MRTFB: variants seen among roughly 807,000 people sequenced by gnomAD.
MRTFB encodes the protein myocardin related transcription factor B.
MRTFB carries 29 observed loss-of-function variants against 104.2 expected under a neutral mutation model. That is an observed-to-expected ratio of 0.28 (90% CI 0.21 to 0.38). The LOEUF (loss-of-function observed/expected upper bound fraction) is 0.38, where lower values mean the gene tolerates loss of function less well. Among genes scored for constraint, MRTFB ranks in the 10% least tolerant of loss-of-function variants. MRTFB has a pLI of 1.00. For synonymous variants in MRTFB, 535 were observed against 519.5 expected (o/e 1.03, Z -0.41); for missense variants, 1,270 against 1,341.6 (o/e 0.95, Z 0.83).
intron 2 of MRTFB, among the ~76,000 whole-genome samples, chr16:14,110,184 G>GA (rs1002209256): frequency 1.3e-5 from 2 of 152,242 alleles, no homozygotes; most frequent in African/African-American, 4.8e-5. Context: ...TTATCTTCAG[G>GA]AAAGTCCTGG....
chr16:14,114,228 A>T (rs2036420519), intron 2 of MRTFB, among the ~76,000 whole-genome samples: 1 of 152,246 alleles, frequency 6.6e-6, no homozygotes, highest in Non-Finnish European at 1.5e-5. Context: ...GCCCTGCCAG[A>T]CCATAGTGCT....
the MRTFB span, among the ~76,000 whole-genome samples, chr16:13,997,878 A>C: frequency 6.6e-6 from 1 of 152,102 alleles, no homozygotes; most frequent in Non-Finnish European, 1.5e-5. Context: ...AGAACCAGGA[A>C]CCAGGTGAGT....
At chr16:14,062,714 C>A in the MRTFB span, among the ~76,000 whole-genome samples, 2 of 152,110 alleles carry the variant, frequency 1.3e-5, no homozygotes, top group Non-Finnish European at 2.9e-5. Flanking sequence ...ACTGGGAGGG[C>A]CAGAGAAAAG....
chr16:14,244,264 A>G (rs1427248825), intron 10 of MRTFB, among the ~76,000 whole-genome samples: 2 of 152,144 alleles, frequency 1.3e-5, no homozygotes, highest in Non-Finnish European at 2.9e-5. Context: ...GTGACTGACT[A>G]TAACATAATT....
chr16:14,169,345 G>A (rs1213181826), intron 3 of MRTFB, among the ~76,000 whole-genome samples: 1 of 152,088 alleles, frequency 6.6e-6, no homozygotes, highest in African/African-American at 2.4e-5. Context: ...TGCTTTTCCT[G>A]CCTGTTTGTA....
At chr16:14,100,100 C>A (rs988348478) in intron 2 of MRTFB, among the ~76,000 whole-genome samples, 4 of 152,114 alleles carry the variant, frequency 2.6e-5, no homozygotes, top group African/African-American at 9.7e-5. Flanking sequence ...ATTTTTCTTG[C>A]CTTATTGAAC....
chr16:14,157,291 G>T (rs1208294840), intron 3 of MRTFB, among the ~76,000 whole-genome samples: 1 of 152,168 alleles, frequency 6.6e-6, no homozygotes, highest in East Asian at 1.9e-4. Flanking sequence ...GAGCTTTAAA[G>T]AAGAATTTAG....
intron 2 of MRTFB, among the ~76,000 whole-genome samples, chr16:14,133,278 T>A (rs1048621929): frequency 6.6e-6 from 1 of 152,164 alleles, no homozygotes; most frequent in Non-Finnish European, 1.5e-5. Flanking sequence ...AAGAAAAATG[T>A]TTTCAGATTT....
the MRTFB span, among the ~76,000 whole-genome samples, chr16:14,005,225 T>C: frequency 1.8e-4 from 28 of 152,228 alleles, no homozygotes; most frequent in Non-Finnish European, 4.1e-4. Flanking sequence ...TTTAAAGTAA[T>C]GAAGGGAGCT....
intron 2 of MRTFB, among the ~76,000 whole-genome samples, chr16:14,086,029 A>G (rs1218446228): frequency 4.6e-5 from 7 of 152,322 alleles, no homozygotes; most frequent in South Asian, 2.1e-4. Context: ...AGTTTTTCAT[A>G]GTTATGTTAT....
chr16:14,011,410 C>T, the MRTFB span, among the ~76,000 whole-genome samples: 20 of 152,284 alleles, frequency 1.3e-4, no homozygotes, highest in East Asian at 3.9e-3. Flanking sequence ...AAGGAAAGCA[C>T]TCTGAGAAAA....
At position 14,237,645 on chromosome 16, in the gene MRTFB, G is replaced by A. The variant is rs145940203; in HGVS notation, c.832-2592G>A. On this transcript the variant is annotated intron_variant, in intron 9 of 16. Coordinates refer to ENST00000571589, the MANE Select transcript of MRTFB (RefSeq NM_001308142.2). ...GTGGGAGTGATCCAGGAGAAGAGTGGGGAACCACAGCCAGGTGTGGGCAAG... is the reference window on the plus strand; with the variant it reads ...GTGGGAGTGATCCAGGAGAAGAGTGAGGAACCACAGCCAGGTGTGGGCAAG... Among the ~76,000 whole-genome samples, 502 of 152,256 alleles carry A rather than the reference G, an allele frequency of 3.3e-3. 2 individuals carry two copies. The highest frequency in any genetic ancestry group is 5.3e-3 in the Non-Finnish European group (360 of 68,016).
chr16:14,161,835 G>T (rs945212992), intron 3 of MRTFB, among the ~76,000 whole-genome samples: 1 of 152,108 alleles, frequency 6.6e-6, no homozygotes, highest in Non-Finnish European at 1.5e-5. Context: ...GTATTCATTA[G>T]TACCTCAAAA....
In MRTFB at chr16:14,142,245, C is replaced by CTTTTTTTTTT. The variant is rs71999049; in HGVS notation, c.154+1495_154+1504dup. ...CTTTTAAACCTTCCATCTTTTCTTT[C>CTTTTTTTTTT]TTTTTTTTTTTTTTTTTTTGAGACG... is the stretch of plus-strand genomic sequence containing the variant. On this transcript the variant is annotated intron_variant, in intron 3 of 16. Coordinates refer to ENST00000571589, the MANE Select transcript of MRTFB (RefSeq NM_001308142.2). The CTTTTTTTTTT allele has an allele frequency of 1.6e-4, 20 of 122,164 alleles. 1 individual carries two copies. Among genetic ancestry groups the CTTTTTTTTTT allele is most frequent in the East Asian group, 1.3e-3 (5 of 3,844 alleles). 7.6% of individuals were successfully genotyped at this position (122,164 alleles called of 1,614,324 possible). A position where few individuals can be genotyped will look rare whatever the true frequency, so the allele number is the denominator to read the frequency against.
At chr16:14,221,137 T>A (rs1468415527) in intron 8 of MRTFB, among the ~76,000 whole-genome samples, 1 of 152,224 alleles carries the variant, frequency 6.6e-6, no homozygotes, top group Non-Finnish European at 1.5e-5. Context: ...TTTCTTTTTT[T>A]AATTAACTAC....
At chr16:14,123,306 T>TTTGTCAATTG (rs1176925189) in intron 2 of MRTFB, among the ~76,000 whole-genome samples, 4 of 103,394 alleles carry the variant, frequency 3.9e-5, no homozygotes, top group African/African-American at 2.9e-4. Context: ...TTAGATGCCA[T>TTTGTCAATTG]TGGCTTTTGT....
At chr16:14,234,011 A>G (rs1490434583) in intron 8 of MRTFB, 135 bp from the exon 9 acceptor site, 7 of 1,061,694 alleles carry the variant, frequency 6.6e-6, no homozygotes, top group Non-Finnish European at 8.2e-6. Flanking sequence ...ATCTGGCCTC[A>G]GACATAATCA....
At chr16:14,106,506 A>C (rs1878355746) in intron 2 of MRTFB, among the ~76,000 whole-genome samples, 1 of 152,210 alleles carries the variant, frequency 6.6e-6, no homozygotes. Flanking sequence ...CAGCTACGCC[A>C]CTTGACTGTA....
At chr16:14,153,773 G>A (rs929820723) in intron 3 of MRTFB, among the ~76,000 whole-genome samples, 41 of 152,052 alleles carry the variant, frequency 2.7e-4, no homozygotes, top group South Asian at 6.2e-4. Context: ...AATGTTTCAT[G>A]TACTTTTGAG....
Sources: gnomAD v4.1 joint callset for allele counts (sites outside exome capture counted in the v4.1 genomes callset) on GRCh38, gnomAD v4.1.1 for gene constraint, MANE v1.5 for transcripts, NCBI Gene and HGNC (gene_info 2026-07-23, HGNC 2026-07-21) for gene names.